The following HUNK variants were observed in gnomAD, a reference collection of about 807,000 sequenced individuals.
HUNK encodes the protein hormonally up-regulated neu tumor-associated kinase.
HUNK carries 21 observed loss-of-function variants against 61.0 expected under a neutral mutation model. The observed-to-expected ratio is 0.34, with a 90% CI of 0.24 to 0.50. HUNK has a LOEUF of 0.50. Among genes scored for constraint, HUNK ranks in the 20% least tolerant of loss-of-function variants. The pLI is 0.98. For missense variants in HUNK, 772 were observed against 945.7 expected (o/e 0.82, Z 2.41); for synonymous variants, 371 against 386.1 (o/e 0.96, Z 0.46).
At chr21:31,997,679 T>C (rs1455730972) in intron 10 of HUNK, among the ~76,000 whole-genome samples, 1 of 152,236 alleles carries the variant, frequency 6.6e-6, no homozygotes, top group Non-Finnish European at 1.5e-5. Flanking sequence ...ATTGCTGAAC[T>C]GTACACTTAA....
At chr21:31,949,025 G>C (rs1048334345) in intron 4 of HUNK, among the ~76,000 whole-genome samples, 1 of 152,224 alleles carries the variant, frequency 6.6e-6, no homozygotes, top group African/African-American at 2.4e-5. Flanking sequence ...CTGAACCTCA[G>C]GACAGTCCTG....
chr21:32,001,888 G>A lies in HUNK; in HGVS notation c.*2704G>A, dbSNP rs563840958. ...CTGGACTGTCATTGTGTGAAGTCTA[G>A]GAGGAAATGTCCATTTTAATTGTAT... On this transcript the variant is annotated 3_prime_UTR_variant, in exon 11 of 11. Coordinates refer to ENST00000270112, the MANE Select transcript of HUNK (RefSeq NM_014586.2). 1 of 152,586 alleles carries A rather than the reference G, an allele frequency of 6.6e-6. No homozygotes were observed. The highest frequency in any genetic ancestry group is 1.5e-5 in the Non-Finnish European group (1 of 68,038). 9.5% of individuals were successfully genotyped at this position (152,586 alleles called of 1,614,324 possible).
intron 7 of HUNK, among the ~76,000 whole-genome samples, chr21:31,980,322 G>A (rs9976040): frequency 0.016 from 2,353 of 150,802 alleles, 30 homozygotes; most frequent in African/African-American, 0.034. Flanking sequence ...TGCCCGCATC[G>A]GCCTCCCAAA....
intron 4 of HUNK, 101 bp from the exon 5 acceptor site, chr21:31,958,742 A>C: frequency 1.8e-6 from 2 of 1,130,602 alleles, no homozygotes; most frequent in Non-Finnish European, 2.5e-6. Flanking sequence ...TGAGGTTGGC[A>C]TGGAAGCAGC....
chr21:31,947,453 G>A (rs752510397), intron 4 of HUNK, among the ~76,000 whole-genome samples: 1 of 152,252 alleles, frequency 6.6e-6, no homozygotes, highest in Non-Finnish European at 1.5e-5. Context: ...CTGCCAGGGA[G>A]TCCCCCGTAC....
At chr21:31,908,434 G>A (rs2123803830) in intron 1 of HUNK, among the ~76,000 whole-genome samples, 1 of 152,220 alleles carries the variant, frequency 6.6e-6, no homozygotes, top group South Asian at 2.1e-4. Context: ...GCAGGGTGGT[G>A]GCCAGGAAGG....
intron 1 of HUNK, among the ~76,000 whole-genome samples, chr21:31,898,422 T>G (rs2052440649): frequency 6.6e-6 from 1 of 152,118 alleles, no homozygotes; most frequent in African/African-American, 2.4e-5. Flanking sequence ...TCCGCCACCA[T>G]GCCTGGCTAA....
intron 2 of HUNK, among the ~76,000 whole-genome samples, chr21:31,926,951 ATTC>A (rs1387931425): frequency 1.3e-5 from 2 of 151,734 alleles, no homozygotes; most frequent in Admixed American, 1.3e-4. Context: ...GAAGGCCATT[ATTC>A]TTTCTTTCTT....
At chr21:31,923,281 A>C (rs1419504710) in intron 1 of HUNK, among the ~76,000 whole-genome samples, 1 of 151,992 alleles carries the variant, frequency 6.6e-6, no homozygotes, top group Non-Finnish European at 1.5e-5. Context: ...GTCTCTACAA[A>C]AAGAAAAAAA....
chr21:31,949,351 C>A (rs1188250408), intron 4 of HUNK, among the ~76,000 whole-genome samples: 1 of 152,142 alleles, frequency 6.6e-6, no homozygotes, highest in Non-Finnish European at 1.5e-5. Flanking sequence ...TCAACACAGC[C>A]CCTCCCGGCA....
intron 1 of HUNK, among the ~76,000 whole-genome samples, chr21:31,888,134 T>C (rs1467370570): frequency 6.6e-6 from 1 of 152,152 alleles, no homozygotes; most frequent in African/African-American, 2.4e-5. Context: ...AAGTTTAATG[T>C]AGGAAGTCTT....
At chr21:31,966,642 T>C (rs1395560494) in intron 5 of HUNK, among the ~76,000 whole-genome samples, 1 of 152,124 alleles carries the variant, frequency 6.6e-6, no homozygotes, top group African/African-American at 2.4e-5. Context: ...AGAAAATGAG[T>C]TGACAAAAGG....
intron 3 of HUNK, among the ~76,000 whole-genome samples, chr21:31,943,406 G>C (rs773389659): frequency 6.6e-6 from 1 of 152,158 alleles, no homozygotes; most frequent in Non-Finnish European, 1.5e-5. Flanking sequence ...GTCGTTGGTT[G>C]ATATATTTAC....
intron 1 of HUNK, among the ~76,000 whole-genome samples, chr21:31,914,197 C>A (rs1469757878): frequency 6.6e-6 from 1 of 151,962 alleles, no homozygotes; most frequent in African/African-American, 2.4e-5. Flanking sequence ...CACCTGTGGT[C>A]AGGAGTTCAA....
Position 31,947,739 on chromosome 21 carries a change from CCT to C in HUNK, c.746+1569_746+1570del, listed in dbSNP as rs1443917861. 2.6e-5 allele frequency among the ~76,000 whole-genome samples: 4 copies of C among 152,158 alleles called. No homozygotes were observed. The South Asian group carries it at 6.2e-4, about 24-fold the overall frequency. On this transcript the variant is annotated intron_variant, in intron 4 of 10. Transcript: ENST00000270112. Reference sequence around the variant, plus strand: ...CAGTGAGTCACCCCCTCCACCATCCCCTGTCAGTGATGGTACAGGGTCAGTTC... The same window carrying C: ...CAGTGAGTCACCCCCTCCACCATCCCGTCAGTGATGGTACAGGGTCAGTTC...
At chr21:31,949,198 T>C (rs898291773) in intron 4 of HUNK, among the ~76,000 whole-genome samples, 7 of 152,144 alleles carry the variant, frequency 4.6e-5, no homozygotes, top group African/African-American at 1.4e-4. Flanking sequence ...ATATGGGGTG[T>C]GTGTGGTGTG....
chr21:31,877,857 C>G (rs1156988868), intron 1 of HUNK, among the ~76,000 whole-genome samples: 2 of 152,046 alleles, frequency 1.3e-5, no homozygotes, highest in Non-Finnish European at 2.9e-5. Flanking sequence ...AACAAGTGCC[C>G]CCCGCCCTGG....
intron 1 of HUNK, among the ~76,000 whole-genome samples, chr21:31,898,108 G>A (rs1441216718): frequency 1.3e-5 from 2 of 152,156 alleles, no homozygotes; most frequent in Non-Finnish European, 2.9e-5. Flanking sequence ...CCCCCCGCTG[G>A]TCTGGCTTCC....
chr21:31,875,136 C>T (rs927342032), intron 1 of HUNK, among the ~76,000 whole-genome samples: 3 of 152,208 alleles, frequency 2.0e-5, no homozygotes, highest in African/African-American at 7.2e-5. Context: ...ACTTCCCAAC[C>T]GAGCAGGTGG....
Sources: gnomAD v4.1 joint callset for allele counts (sites outside exome capture counted in the v4.1 genomes callset) on GRCh38, gnomAD v4.1.1 for gene constraint, MANE v1.5 for transcripts, NCBI Gene and HGNC (gene_info 2026-07-23, HGNC 2026-07-21) for gene names.